The following RIMBP2 variants were observed in gnomAD, a reference collection of about 807,000 sequenced individuals.
RIMBP2 encodes the protein RIMS-binding protein 2.
RIMBP2 carries 48 observed loss-of-function variants against 118.6 expected under a neutral mutation model. That is an observed-to-expected ratio of 0.40 (90% CI 0.32 to 0.51). The LOEUF (loss-of-function observed/expected upper bound fraction) is 0.51, where lower values mean the gene tolerates loss of function less well. RIMBP2 is among the 20% of genes least tolerant of loss of function. The pLI is 0.41. For synonymous variants in RIMBP2, 762 were observed against 742.9 expected (o/e 1.03, Z -0.42); for missense variants, 1,551 against 1,768.3 (o/e 0.88, Z 2.20).
chr12:130,397,708 C>G (rs2074168683), intron 22 of RIMBP2, 159 bp from the exon 23 acceptor site: 1 of 391,046 alleles, frequency 2.6e-6, no homozygotes, highest in African/African-American at 2.1e-5. Context: ...AAGGTCCTCT[C>G]CCACAGCACG....
Position 130,451,354 on chromosome 12 carries a change from T to A in RIMBP2, c.359-14A>T, listed in dbSNP as rs1203520553. ...CGCTCTCCTGACCTGGCCACGAACA[T>A]TAAAACAAGTTGAAACAAATATGCG... On this transcript the variant is annotated splice_polypyrimidine_tract_variant and intron_variant, in intron 7 of 22. Transcript: ENST00000690449. 1.3e-6 allele frequency: 2 copies of A among 1,589,336 alleles called. No individual in the cohort carries two copies. The highest frequency in any genetic ancestry group is 2.7e-5 in the African/African-American group (2 of 74,222).
At chr12:130,480,754 C>T (rs1006147746) in intron 4 of RIMBP2, among the ~76,000 whole-genome samples, 14 of 152,126 alleles carry the variant, frequency 9.2e-5, no homozygotes, top group Non-Finnish European at 1.5e-5. Context: ...GTGCCCACCA[C>T]CATGCTGGGC....
intron 7 of RIMBP2, among the ~76,000 whole-genome samples, chr12:130,454,951 C>T (rs2079298145): frequency 6.6e-6 from 1 of 152,242 alleles, no homozygotes; most frequent in South Asian, 2.1e-4. Flanking sequence ...CATCCCCTGA[C>T]TGATAAAGGC....
Position 130,469,963 on chromosome 12 carries a change from G to C in RIMBP2, c.153+730C>G, listed in dbSNP as rs2080855890. Among the ~76,000 whole-genome samples, 1 of 152,180 alleles carries C rather than the reference G, an allele frequency of 6.6e-6. No individual in the cohort carries two copies. The highest frequency in any genetic ancestry group is 2.1e-4 in the South Asian group (1 of 4,828). On this transcript the variant is annotated intron_variant, in intron 6 of 22. Transcript: ENST00000690449. The surrounding 1 kb of genome is among the most constrained non-coding windows in gnomAD (Gnocchi z 4.8). ...GGATGCAGACAGCAGAGGCCTGAGG[G>C]GGACCCCATAGCCCTCCCTGTCTGC...
intron 3 of RIMBP2, among the ~76,000 whole-genome samples, chr12:130,509,740 G>A (rs948222265): frequency 3.5e-5 from 5 of 141,226 alleles, no homozygotes; most frequent in African/African-American, 1.1e-4. Context: ...CCCCGCCCCG[G>A]CAACAGCACC....
chr12:130,646,082 A>C (rs369659794), intron 1 of RIMBP2, among the ~76,000 whole-genome samples: 2 of 94,246 alleles, frequency 2.1e-5, no homozygotes, highest in African/African-American at 4.1e-5. Context: ...CACCTCCCTC[A>C]CCACTTCCCT....
At chr12:130,699,926 A>AAAAG (rs75502456) in intron 1 of RIMBP2, among the ~76,000 whole-genome samples, 1 of 150,104 alleles carries the variant, frequency 6.7e-6, no homozygotes, top group African/African-American at 2.5e-5. Context: ...AAAAAAAAAA[A>AAAAG]AAAGAAATAC....
intron 2 of RIMBP2, among the ~76,000 whole-genome samples, chr12:130,613,273 G>A (rs887152031): frequency 6.6e-6 from 1 of 152,218 alleles, no homozygotes; most frequent in African/African-American, 2.4e-5. Context: ...TCCAATTGTG[G>A]GAGCTGCGAC....
intron 2 of RIMBP2, among the ~76,000 whole-genome samples, chr12:130,555,347 T>C (rs2056248130): frequency 6.6e-6 from 1 of 152,168 alleles, no homozygotes; most frequent in Admixed American, 6.5e-5. Flanking sequence ...GGCTCCTGGC[T>C]ATGGCAGCAG....
intron 1 of RIMBP2, among the ~76,000 whole-genome samples, chr12:130,644,319 C>G (rs2062753480): frequency 6.6e-6 from 1 of 152,206 alleles, no homozygotes; most frequent in African/African-American, 2.4e-5. Flanking sequence ...AATTAGCTTT[C>G]ATGAGCTGCT....
At chr12:130,468,794 C>T (rs2080744397) in intron 6 of RIMBP2, among the ~76,000 whole-genome samples, 1 of 152,190 alleles carries the variant, frequency 6.6e-6, no homozygotes, top group South Asian at 2.1e-4. Context: ...ATAGAATCAA[C>T]CCACAATTTC....
intron 1 of RIMBP2, among the ~76,000 whole-genome samples, chr12:130,630,749 C>T (rs2061940818): frequency 6.6e-6 from 1 of 152,162 alleles, no homozygotes; most frequent in African/African-American, 2.4e-5. Flanking sequence ...TTCTCAGCAG[C>T]AATCTTAGAA....
At chr12:130,553,397 T>A (rs1229463369) in intron 2 of RIMBP2, among the ~76,000 whole-genome samples, 1 of 152,216 alleles carries the variant, frequency 6.6e-6, no homozygotes, top group Non-Finnish European at 1.5e-5. Context: ...AATGTGAGCA[T>A]AATTATTATC....
At chr12:130,516,030 G>T (rs1183935472) in intron 3 of RIMBP2, among the ~76,000 whole-genome samples, 1 of 152,184 alleles carries the variant, frequency 6.6e-6, no homozygotes, top group Non-Finnish European at 1.5e-5. Context: ...GATTGGGATT[G>T]CTAGATCATA....
rs142639224 is a variant in RIMBP2, at chr12:130,442,477, G to C, written c.875C>G (p.Ala292Gly). The change falls in exon 11 of 23, where the codon GCG (alanine) becomes GGG (glycine). Residue 292 changes from alanine (A) to glycine (G), a missense_variant. Around this residue, in one of 5 missense-constraint regions of RIMBP2, gnomAD observed 265 missense variants for 349.5 expected, o/e 0.76. Coordinates refer to ENST00000690449, the MANE Select transcript of RIMBP2 (RefSeq NM_001393629.1). The surrounding 1 kb of genome is among the most constrained non-coding windows in gnomAD (Gnocchi z 6.9). ...CCCGGCACTGTTGTCGGTGATGCCC[G>C]CATCTATGTGGGTTGGGGAGTGGAG... is the stretch of plus-strand genomic sequence containing the variant. ...LDLHSPTHID[A>G]GITDNSAGTL... is the part of the protein sequence containing the mutation. The C allele has an allele frequency of 6.2e-7, 1 of 1,614,180 alleles. No individual in the cohort carries two copies. The highest frequency in any genetic ancestry group is 1.7e-5 in the Admixed American group (1 of 60,024).
chr12:130,631,704 T>C (rs1355102665), intron 1 of RIMBP2, among the ~76,000 whole-genome samples: 1 of 152,072 alleles, frequency 6.6e-6, no homozygotes, highest in Non-Finnish European at 1.5e-5. Context: ...AGTTACAATA[T>C]TGGCAATTTT....
intron 2 of RIMBP2, among the ~76,000 whole-genome samples, chr12:130,616,415 T>C (rs1215012609): frequency 6.6e-6 from 1 of 152,222 alleles, no homozygotes; most frequent in Non-Finnish European, 1.5e-5. Flanking sequence ...GAAGGGCTCC[T>C]GGCTCGGGCC....
intron 1 of RIMBP2, among the ~76,000 whole-genome samples, chr12:130,656,866 A>G (rs1025014662): frequency 2.6e-5 from 4 of 152,058 alleles, no homozygotes; most frequent in Admixed American, 2.6e-4. Context: ...CCAAGATTGC[A>G]CCACTGCACT....
chr12:130,422,466 T>G lies in RIMBP2; in HGVS notation c.3225A>C (p.Thr1075=). 1 of 1,609,908 alleles carries G rather than the reference T, an allele frequency of 6.2e-7. No homozygotes were observed. The highest frequency in any genetic ancestry group is 8.5e-7 in the Non-Finnish European group (1 of 1,176,700). Residue 1075 remains threonine (T), a synonymous_variant, in exon 17 of 23, where the codon ACA becomes ACC. Coordinates refer to ENST00000690449, the MANE Select transcript of RIMBP2 (RefSeq NM_001393629.1). The surrounding 1 kb of genome is among the most constrained non-coding windows in gnomAD (Gnocchi z 5.2). ...SAGPQRSRPV[T]VPSIDDYGRD... ...GGGGCCACTAACCGATGGATGGGAC[T>G]GTCACGGGCCGGGACCTCTGAGGAC...
Sources: allele counts gnomAD v4.1 joint callset (sites outside exome capture counted in the v4.1 genomes callset), GRCh38; gene constraint gnomAD v4.1.1; regional missense constraint gnomAD v4.1.1; non-coding constraint Gnocchi (gnomAD v3.1); transcripts MANE v1.5; gene names NCBI Gene and HGNC (gene_info 2026-07-23, HGNC 2026-07-21).